Variants in PTH1R observed in about 807,000 individuals in gnomAD.
PTH1R encodes the protein parathyroid hormone/parathyroid hormone-related peptide receptor.
In PTH1R, 32 loss-of-function variants were observed where a neutral mutation model predicts 70.7. The observed-to-expected ratio is 0.45, with a 90% confidence interval of 0.34 to 0.61. The LOEUF (loss-of-function observed/expected upper bound fraction) is 0.61, where lower values mean the gene tolerates loss of function less well. Among genes scored for constraint, PTH1R ranks in the 20% least tolerant of loss-of-function variants. The probability of loss-of-function intolerance (pLI) is 0.01; values close to 1 mark genes in which losing one functional copy is unlikely to be tolerated. For missense variants in PTH1R, 626 were observed against 792.5 expected (o/e 0.79, Z 2.52); for synonymous variants, 329 against 324.8 (o/e 1.01, Z -0.14).
chr3:46,882,343 G>A lies in PTH1R; in HGVS notation c.-48-1169G>A, dbSNP rs1336117578. ...GCGCTGGAGGCCAGGCCGGCCAGCG[G>A]GGGGTATCCCGAGAGCTCCATGAAG... is the stretch of plus-strand genomic sequence containing the variant. On this transcript the variant is annotated intron_variant, in intron 2 of 15. Transcript: ENST00000449590. This position sits in a 1 kb window ranked among gnomAD's most constrained non-coding sequence, Gnocchi z 4.3. The A allele has an allele frequency of 6.6e-6, 1 of 152,026 alleles. No homozygotes were observed. Among genetic ancestry groups the A allele is most frequent in the African/African-American group, 2.4e-5 (1 of 41,396 alleles). 9.4% of individuals were successfully genotyped at this position (152,026 alleles called of 1,614,324 possible). A position where few individuals can be genotyped will look rare whatever the true frequency, so the allele number is the denominator to read the frequency against.
In PTH1R at chr3:46,883,482, A is replaced by G; in HGVS notation, c.-48-30A>G. ...GGGCGTGGGCGGGGCGGCCAGCCTGACGCAGCTCTGCACCCCCTACCACCA... is the reference window on the plus strand; with the variant it reads ...GGGCGTGGGCGGGGCGGCCAGCCTGGCGCAGCTCTGCACCCCCTACCACCA... On this transcript the variant is annotated intron_variant, in intron 2 of 15. Transcript: ENST00000449590. This position sits in a 1 kb window ranked among gnomAD's most constrained non-coding sequence, Gnocchi z 6.4. The G allele has an allele frequency of 8.1e-7, 1 of 1,242,116 alleles. No individual in the cohort carries two copies. Among genetic ancestry groups the G allele is most frequent in the Non-Finnish European group, 1.0e-6 (1 of 972,546 alleles). 76.9% of individuals were successfully genotyped at this position (1,242,116 alleles called of 1,614,324 possible).
At chr3:46,900,790 C>G (rs2032070064) in intron 10 of PTH1R, among the ~76,000 whole-genome samples, 1 of 152,136 alleles carries the variant, frequency 6.6e-6, no homozygotes, top group African/African-American at 2.4e-5. Context: ...GTGCATATGA[C>G]ATGGAGCCAA....
Position 46,898,812 on chromosome 3 carries a change from C to T in PTH1R, c.789C>T (p.Ala263=). 1 of 1,581,102 alleles carries T rather than the reference C, an allele frequency of 6.3e-7. No individual in the cohort carries two copies. Among genetic ancestry groups the T allele is most frequent in the Non-Finnish European group, 8.6e-7 (1 of 1,169,272 alleles). ...GCCTCACCGAGGAGGAGCTGCGCGC[C>T]ATCGCCCAGGCGCCCCCGCCGCCTG... ...AERLTEEELR[A]IAQAPPPPAT... Residue 263 remains alanine (A), a synonymous_variant, in exon 9 of 16, where the codon GCC becomes GCT. Coordinates refer to ENST00000449590, the MANE Select transcript of PTH1R (RefSeq NM_000316.3).
At position 46,883,586 on chromosome 3, in the gene PTH1R, C is replaced by CCTGG. The variant is rs2030809154; in HGVS notation, c.29_32dup (p.Leu12GlyfsTer20). On this transcript the variant is annotated frameshift_variant, in exon 3 of 16. Transcript: ENST00000449590. LOFTEE classifies it high-confidence loss of function. The surrounding 1 kb of genome is among the most constrained non-coding windows in gnomAD (Gnocchi z 6.4). Reference sequence around the variant, plus strand: ...TGGGGACCGCCCGGATCGCACCCGGCCTGGCGCTCCTGCTCTGCTGCCCCG... The same window carrying CCTGG: ...TGGGGACCGCCCGGATCGCACCCGGCCTGGCTGGCGCTCCTGCTCTGCTGCCCCG... 1 of 1,540,766 alleles carries CCTGG rather than the reference C, an allele frequency of 6.5e-7. No individual in the cohort carries two copies.
At position 46,895,889 on chromosome 3, in the gene PTH1R, C is replaced by G; in HGVS notation, c.313+20C>G. 6.2e-7 allele frequency: 1 copy of G among 1,610,474 alleles called. No homozygotes were observed. Among genetic ancestry groups the G allele is most frequent in the Non-Finnish European group, 8.5e-7 (1 of 1,179,070 alleles). ...ACCGAGGTACGTCTCTGCTTCCATG[C>G]ATCCAGCTGGCATGGGCTTGGATCC... On this transcript the variant is annotated intron_variant, in intron 5 of 15. Coordinates refer to ENST00000449590, the MANE Select transcript of PTH1R (RefSeq NM_000316.3).
chr3:46,898,306 G>C, intron 7 of PTH1R, 72 bp from the exon 8 acceptor site: 2 of 1,576,908 alleles, frequency 1.3e-6, no homozygotes, highest in Non-Finnish European at 1.7e-6. Flanking sequence ...CCTTACCCTG[G>C]CCTCTTGCTC....
chr3:46,885,377 C>A (rs1049264698), intron 3 of PTH1R, among the ~76,000 whole-genome samples: 14 of 152,174 alleles, frequency 9.2e-5, no homozygotes, highest in African/African-American at 3.4e-4. Context: ...TTTCTACTTG[C>A]CATTGTTCTA....
In PTH1R at chr3:46,891,192, C is replaced by T. The variant is rs1475988004; in HGVS notation, c.76-2715C>T. Reference sequence around the variant, plus strand: ...TGAATGAAGGAGTGTGGGAGTCATGCGTGCTGGAAGCACATATCTTTCCCT... The same window carrying T: ...TGAATGAAGGAGTGTGGGAGTCATGTGTGCTGGAAGCACATATCTTTCCCT... On this transcript the variant is annotated intron_variant, in intron 3 of 15. Coordinates refer to ENST00000449590, the MANE Select transcript of PTH1R (RefSeq NM_000316.3). The surrounding 1 kb of genome is among the most constrained non-coding windows in gnomAD (Gnocchi z 4.3). Among the ~76,000 whole-genome samples, 2 of 152,256 alleles carry T rather than the reference C, an allele frequency of 1.3e-5. No individual in the cohort carries two copies. Among genetic ancestry groups the T allele is most frequent in the East Asian group, 1.9e-4 (1 of 5,196 alleles).
Position 46,898,875 on chromosome 3 carries a change from C to T in PTH1R, c.834+18C>T, listed in dbSNP as rs1407363516. 2.4e-5 allele frequency: 36 copies of T among 1,492,282 alleles called. No individual in the cohort carries two copies. Among genetic ancestry groups the T allele is most frequent in the African/African-American group, 5.6e-5 (4 of 70,836 alleles). The allele number at this position is 1,492,282 out of a possible 1,614,324, so 92.4% of individuals were successfully genotyped here. On this transcript the variant is annotated intron_variant, in intron 9 of 15. Transcript: ENST00000449590. Reference sequence around the variant, plus strand: ...CCGGCTACGTGAGTACCCCTCTGCCCGCCCGCTCCCGGTGCCGCCACTGGC... The same window carrying T: ...CCGGCTACGTGAGTACCCCTCTGCCTGCCCGCTCCCGGTGCCGCCACTGGC...
Position 46,882,893 on chromosome 3 carries a change from C to G in PTH1R, c.-48-619C>G, listed in dbSNP as rs1246161346. 1.3e-5 allele frequency among the ~76,000 whole-genome samples: 2 copies of G among 151,770 alleles called. No individual in the cohort carries two copies. Among genetic ancestry groups the G allele is most frequent in the Non-Finnish European group, 2.9e-5 (2 of 67,904 alleles). The stretch of plus-strand genomic sequence containing the variant: ...GGGTCTGGGATCTCAGGAGGCCGAA[C>G]GGCCGGGGGCTGGCGGCCGGAACAC... On this transcript the variant is annotated intron_variant, in intron 2 of 15. Coordinates refer to ENST00000449590, the MANE Select transcript of PTH1R (RefSeq NM_000316.3). This position sits in a 1 kb window ranked among gnomAD's most constrained non-coding sequence, Gnocchi z 4.3.
At chr3:46,886,659 T>A (rs1431794741) in intron 3 of PTH1R, among the ~76,000 whole-genome samples, 1 of 151,894 alleles carries the variant, frequency 6.6e-6, no homozygotes, top group Non-Finnish European at 1.5e-5. Flanking sequence ...GCCCGGCCGG[T>A]TGCTTGCTTT....
At position 46,879,717 on chromosome 3, in the gene PTH1R, A is replaced by G. The variant is rs1267803983; in HGVS notation, c.-105-1345A>G. On this transcript the variant is annotated intron_variant, in intron 1 of 15. Transcript: ENST00000449590. The surrounding 1 kb of genome is among the most constrained non-coding windows in gnomAD (Gnocchi z 4.7). ...AGCCATGACCGTGCCACTGCACTCCAGCCTGGGTGACACAGCAAGACCCTG... is the reference window on the plus strand; with the variant it reads ...AGCCATGACCGTGCCACTGCACTCCGGCCTGGGTGACACAGCAAGACCCTG... Among the ~76,000 whole-genome samples the G allele has an allele frequency of 1.3e-5, 2 of 152,152 alleles. No individual in the cohort carries two copies. The highest frequency in any genetic ancestry group is 4.8e-5 in the African/African-American group (2 of 41,428).
Position 46,882,759 on chromosome 3 carries a change from A to ACAGACAGG in PTH1R, c.-48-747_-48-740dup, listed in dbSNP as rs1256635619. 4.6e-5 allele frequency among the ~76,000 whole-genome samples: 7 copies of ACAGACAGG among 152,048 alleles called. No homozygotes were observed. Among genetic ancestry groups the ACAGACAGG allele is most frequent in the Non-Finnish European group, 1.0e-4 (7 of 67,982 alleles). On this transcript the variant is annotated intron_variant, in intron 2 of 15. Transcript: ENST00000449590. This position sits in a 1 kb window ranked among gnomAD's most constrained non-coding sequence, Gnocchi z 4.3. ...GGCCGGGGGAGCTAGAGACGGACTGACAGACAGGCAGACCGACAGAGCGTC... is the reference window on the plus strand; with the variant it reads ...GGCCGGGGGAGCTAGAGACGGACTGACAGACAGGCAGACAGGCAGACCGACAGAGCGTC...
rs2031515569 is a variant in PTH1R at position 46,892,880 on chromosome 3, C to T, written c.76-1027C>T. ...CCCAGGGGTCTGAGGAAACACGACCCTGAATTAAGAGGGATGGGGCTGAGG... is the reference window on the plus strand; with the variant it reads ...CCCAGGGGTCTGAGGAAACACGACCTTGAATTAAGAGGGATGGGGCTGAGG... On this transcript the variant is annotated intron_variant, in intron 3 of 15. Transcript: ENST00000449590. This position sits in a 1 kb window ranked among gnomAD's most constrained non-coding sequence, Gnocchi z 5.2. 1.1e-6 allele frequency: 1 copy of T among 894,730 alleles called. No individual in the cohort carries two copies. The highest frequency in any genetic ancestry group is 1.3e-6 in the Non-Finnish European group (1 of 746,956). The allele number at this position is 894,730 out of a possible 1,614,324, so 55.4% of individuals were successfully genotyped here. A position where few individuals can be genotyped will look rare whatever the true frequency, so the allele number is the denominator to read the frequency against.
Position 46,892,730 on chromosome 3 carries a change from G to T in PTH1R, c.76-1177G>T. ...GGGTCCTCCCGCCCTTCACAGCCAT[G>T]CTCGGACTGCAGGGCCCCGGCCCCG... On this transcript the variant is annotated intron_variant, in intron 3 of 15. Coordinates refer to ENST00000449590, the MANE Select transcript of PTH1R (RefSeq NM_000316.3). The surrounding 1 kb of genome is among the most constrained non-coding windows in gnomAD (Gnocchi z 5.2). 1 of 985,810 alleles carries T rather than the reference G, an allele frequency of 1.0e-6. No individual in the cohort carries two copies. Among genetic ancestry groups the T allele is most frequent in the Non-Finnish European group, 1.2e-6 (1 of 830,134 alleles). 61.1% of individuals were successfully genotyped at this position (985,810 alleles called of 1,614,324 possible).
Position 46,883,497 on chromosome 3 carries a change from C to T in PTH1R, c.-48-15C>T. On this transcript the variant is annotated splice_polypyrimidine_tract_variant and intron_variant, in intron 2 of 15. Coordinates refer to ENST00000449590, the MANE Select transcript of PTH1R (RefSeq NM_000316.3). The surrounding 1 kb of genome is among the most constrained non-coding windows in gnomAD (Gnocchi z 6.4). ...GGCCAGCCTGACGCAGCTCTGCACC[C>T]CCTACCACCACCAGGGCCGGCGGCG... The T allele has an allele frequency of 7.0e-7, 1 of 1,420,642 alleles. No homozygotes were observed. Among genetic ancestry groups the T allele is most frequent in the Non-Finnish European group, 9.2e-7 (1 of 1,082,266 alleles). 88.0% of individuals were successfully genotyped at this position (1,420,642 alleles called of 1,614,324 possible). A position where few individuals can be genotyped will look rare whatever the true frequency, so the allele number is the denominator to read the frequency against.
At chr3:46,897,288 C>A (rs731626) in intron 5 of PTH1R, among the ~76,000 whole-genome samples, 2,489 of 152,368 alleles carry the variant, frequency 0.016, 75 homozygotes, top group African/African-American at 0.055. Flanking sequence ...GTCAGCCCAT[C>A]TGGAAAATGG....
chr3:46,878,215 T>C (rs921706150), intron 1 of PTH1R, among the ~76,000 whole-genome samples: 8 of 152,336 alleles, frequency 5.3e-5, no homozygotes, highest in African/African-American at 9.6e-5. Context: ...CATGGGAGCC[T>C]CCAGCGACTC....
At chr3:46,889,103 C>T (rs527726653) in intron 3 of PTH1R, among the ~76,000 whole-genome samples, 1 of 152,150 alleles carries the variant, frequency 6.6e-6, no homozygotes, top group Admixed American at 6.5e-5. Context: ...CAGCATGGGT[C>T]CCAGTAGTAG....
Sources: gnomAD v4.1 joint callset for allele counts (sites outside exome capture counted in the v4.1 genomes callset) on GRCh38, gnomAD v4.1.1 for gene constraint, Gnocchi (gnomAD v3.1) non-coding constraint, MANE v1.5 for transcripts, NCBI Gene and HGNC (gene_info 2026-07-23, HGNC 2026-07-21) for gene names.